The following NRXN3 variants were observed in gnomAD, a reference collection of about 807,000 sequenced individuals.
NRXN3 encodes the protein neurexin III.
Under a neutral mutation model 137.6 loss-of-function variants are expected in NRXN3, and 32 were observed. That is an observed-to-expected ratio of 0.23 (90% CI 0.18 to 0.31). NRXN3 has a LOEUF of 0.31. Ranked by LOEUF, NRXN3 falls within the 10% of genes least tolerant of loss-of-function variation. The pLI, the probability that NRXN3 is intolerant of heterozygous loss-of-function variation, is 1.00. For synonymous variants in NRXN3, 798 were observed against 784.5 expected (o/e 1.02, Z -0.29); for missense variants, 1,574 against 2,062.5 (o/e 0.76, Z 4.59).
chr14:79,612,297 A>T (rs1213688923), intron 16 of NRXN3, among the ~76,000 whole-genome samples: 1 of 152,200 alleles, frequency 6.6e-6, no homozygotes, highest in Non-Finnish European at 1.5e-5. Context: ...AGGGTATTGA[A>T]TAGTACATGA....
chr14:78,800,633 C>A (rs1418728221), intron 8 of NRXN3, among the ~76,000 whole-genome samples: 1 of 152,144 alleles, frequency 6.6e-6, no homozygotes, highest in Non-Finnish European at 1.5e-5. Flanking sequence ...TGGGAGATGG[C>A]TGATTTTCAG....
At chr14:78,732,807 A>G (rs2152905126) in intron 8 of NRXN3, among the ~76,000 whole-genome samples, 1 of 152,318 alleles carries the variant, frequency 6.6e-6, no homozygotes, top group East Asian at 1.9e-4. Flanking sequence ...TGGTTTGAGG[A>G]TGGTTCTACA....
intron 15 of NRXN3, among the ~76,000 whole-genome samples, chr14:79,435,270 G>C (rs1448736884): frequency 6.6e-6 from 1 of 150,544 alleles, no homozygotes; most frequent in Non-Finnish European, 1.5e-5. Flanking sequence ...ATCAAAGTCA[G>C]GGCAAAAGAA....
chr14:78,946,927 G>A (rs2099366518), intron 10 of NRXN3, among the ~76,000 whole-genome samples: 1 of 152,136 alleles, frequency 6.6e-6, no homozygotes, highest in Admixed American at 6.5e-5. Flanking sequence ...TTTTCTCTAT[G>A]TGCATGTCTT....
chr14:78,572,119 AAAACAT>A (rs2096895367), intron 4 of NRXN3, among the ~76,000 whole-genome samples: 2 of 152,208 alleles, frequency 1.3e-5, no homozygotes, highest in Admixed American at 1.3e-4. Flanking sequence ...GCTGGTTTGT[AAAACAT>A]GAACAGAGTT....
At chr14:78,288,182 G>A (rs745697775) in intron 3 of NRXN3, among the ~76,000 whole-genome samples, 1 of 152,120 alleles carries the variant, frequency 6.6e-6, no homozygotes, top group African/African-American at 2.4e-5. Flanking sequence ...GTTTTGCCAT[G>A]TTGGCCAAGC....
intron 19 of NRXN3, among the ~76,000 whole-genome samples, chr14:79,804,050 A>G (rs979735181): frequency 4.0e-5 from 6 of 151,212 alleles, no homozygotes; most frequent in African/African-American, 1.2e-4. Flanking sequence ...TAATTGCTCA[A>G]TAGAAGGGGA....
chr14:79,101,251 A>G (rs1347199297), intron 15 of NRXN3, among the ~76,000 whole-genome samples: 11 of 152,144 alleles, frequency 7.2e-5, no homozygotes, highest in Non-Finnish European at 1.5e-4. Context: ...TTAGTGTCCC[A>G]CTATTGTACT....
At chr14:78,223,926 G>C (rs539991405) in intron 1 of NRXN3, among the ~76,000 whole-genome samples, 1 of 152,178 alleles carries the variant, frequency 6.6e-6, no homozygotes, top group East Asian at 1.9e-4. Flanking sequence ...CTGCCCAGGC[G>C]TATTGAGAAT....
chr14:79,759,480 C>T (rs911678750), intron 19 of NRXN3, among the ~76,000 whole-genome samples: 1 of 151,352 alleles, frequency 6.6e-6, no homozygotes, highest in Admixed American at 6.6e-5. Context: ...TCTATAAAAT[C>T]TTTTATTTGA....
intron 16 of NRXN3, among the ~76,000 whole-genome samples, chr14:79,471,876 G>A (rs1029874531): frequency 2.6e-5 from 4 of 152,116 alleles, no homozygotes. Flanking sequence ...GTGCAGGTTT[G>A]TAGGCTTGTT....
chr14:79,565,029 G>C (rs1022447220), intron 16 of NRXN3, among the ~76,000 whole-genome samples: 1 of 152,054 alleles, frequency 6.6e-6, no homozygotes, highest in Admixed American at 6.6e-5. Context: ...GAAGTCAGGA[G>C]TATTAATGTT....
intron 16 of NRXN3, among the ~76,000 whole-genome samples, chr14:79,603,659 C>G (rs745727676): frequency 6.6e-6 from 1 of 150,980 alleles, no homozygotes; most frequent in African/African-American, 2.4e-5. Context: ...TCTTTGTCCT[C>G]TTTTGGTTTA....
rs1388994409 is a variant in NRXN3 at position 79,503,871 on chromosome 14, A to G, written c.3444+36469A>G. 1.2e-4 allele frequency among the ~76,000 whole-genome samples: 19 copies of G among 152,152 alleles called. 1 individual carries two copies. The highest frequency in any genetic ancestry group is 8.5e-4 in the Admixed American group (13 of 15,272). On this transcript the variant is annotated intron_variant, in intron 16 of 20. Transcript: ENST00000335750. The stretch of plus-strand genomic sequence containing the variant: ...TGCTCTCCTTTGCTCCTCTCTTTTC[A>G]ACCAATCTGAAAATGCTTTTAAAAG...
At chr14:78,775,354 T>C (rs1467891797) in intron 8 of NRXN3, among the ~76,000 whole-genome samples, 1 of 152,234 alleles carries the variant, frequency 6.6e-6, no homozygotes, top group Non-Finnish European at 1.5e-5. Flanking sequence ...ATTAGTATCA[T>C]GGTTAAGAGC....
Position 79,642,752 on chromosome 14 carries a change from C to T in NRXN3, c.3445-21026C>T, listed in dbSNP as rs1000000901. On this transcript the variant is annotated intron_variant, in intron 16 of 20. Transcript: ENST00000335750. ...TGCTGTGATTTTTATTCCCTGTTCA[C>T]GCCATTCTCCTGATTTCCTGTATAG... Among the ~76,000 whole-genome samples the T allele has an allele frequency of 3.0e-5, 4 of 135,306 alleles. 1 individual carries two copies. The highest frequency in any genetic ancestry group is 4.9e-5 in the African/African-American group (2 of 40,720). 88.8% of individuals were successfully genotyped at this position (135,306 alleles called of 152,430 possible).
intron 15 of NRXN3, among the ~76,000 whole-genome samples, chr14:79,048,372 A>G (rs2099636196): frequency 6.6e-6 from 1 of 152,154 alleles, no homozygotes. Context: ...ATCCAGTTGT[A>G]TATAGGCATT....
At chr14:79,692,371 CTG>C in intron 18 of NRXN3, 109 bp downstream of exon 18, 1 of 811,092 alleles carries the variant, frequency 1.2e-6, no homozygotes, top group Admixed American at 2.8e-5. Context: ...GCATAAATGA[CTG>C]TTTTAATTTT....
intron 9 of NRXN3, among the ~76,000 whole-genome samples, chr14:78,808,955 A>T (rs557499612): frequency 1.4e-3 from 195 of 143,994 alleles, no homozygotes; most frequent in Non-Finnish European, 2.4e-3. Context: ...TTCTTCCTTT[A>T]AAAAAAAAAT....
Sources: allele counts gnomAD v4.1 joint callset (sites outside exome capture counted in the v4.1 genomes callset), GRCh38; gene constraint gnomAD v4.1.1; transcripts MANE v1.5; gene names NCBI Gene and HGNC (gene_info 2026-07-23, HGNC 2026-07-21).